The following GRIP1 variants were observed in gnomAD, a reference collection of about 807,000 sequenced individuals.
GRIP1 encodes glutamate receptor interacting protein 1.
Under a neutral mutation model 129.9 loss-of-function variants are expected in GRIP1, and 45 were observed. The observed-to-expected ratio is 0.35, with a 90% CI of 0.27 to 0.44. GRIP1 has a LOEUF of 0.44. GRIP1 is among the 20% of genes least tolerant of loss of function. The pLI, the probability that GRIP1 is intolerant of heterozygous loss-of-function variation, is 1.00. For missense variants in GRIP1, 1,196 were observed against 1,396.8 expected, an observed-to-expected ratio of 0.86 and a Z score of 2.29; for synonymous variants, 530 against 520.8, an observed-to-expected ratio of 1.02 and a Z score of -0.24.
At chr12:66,721,633 T>C (rs2036060428) in intron 1 of GRIP1, among the ~76,000 whole-genome samples, 1 of 152,220 alleles carries the variant, frequency 6.6e-6, no homozygotes, top group Non-Finnish European at 1.5e-5. Flanking sequence ...GCATTAGCCC[T>C]TAACAAGAGA....
chr12:66,444,841 G>T, intron 12 of GRIP1, 112 bp from the exon 13 acceptor site: 1 of 1,112,682 alleles, frequency 9.0e-7, no homozygotes, highest in Non-Finnish European at 1.4e-6. Context: ...ATTTGGTCTT[G>T]CTTATTCAAT....
chr12:66,789,397 T>C (rs571047235), intron 1 of GRIP1, among the ~76,000 whole-genome samples: 14 of 152,324 alleles, frequency 9.2e-5, no homozygotes, highest in African/African-American at 3.4e-4. Context: ...TTCAGTGCTT[T>C]TGTTTTCTCA....
intron 2 of GRIP1, among the ~76,000 whole-genome samples, chr12:66,582,207 C>G (rs199929379): frequency 2.7e-5 from 4 of 147,536 alleles, no homozygotes; most frequent in African/African-American, 7.5e-5. Context: ...ATTCAACAAC[C>G]CTTCATGCTA....
intron 14 of GRIP1, among the ~76,000 whole-genome samples, chr12:66,425,280 C>G (rs1277956797): frequency 6.6e-6 from 1 of 152,144 alleles, no homozygotes; most frequent in Admixed American, 6.5e-5. Flanking sequence ...GAGATACCAT[C>G]TCACACCAGT....
At chr12:66,646,400 G>C (rs1308326513) in intron 1 of GRIP1, among the ~76,000 whole-genome samples, 2 of 152,198 alleles carry the variant, frequency 1.3e-5, no homozygotes, top group Non-Finnish European at 2.9e-5. Flanking sequence ...AAGGCAGGTG[G>C]AACATTTGAG....
chr12:66,420,569 G>T, intron 15 of GRIP1, 151 bp downstream of exon 15: 1 of 660,694 alleles, frequency 1.5e-6, no homozygotes. Context: ...TGGAACTAGG[G>T]ATGTCAAATA....
intron 11 of GRIP1, among the ~76,000 whole-genome samples, chr12:66,451,872 C>T (rs1173286373): frequency 6.6e-6 from 1 of 152,130 alleles, no homozygotes; most frequent in Non-Finnish European, 1.5e-5. Context: ...TTCAGGGCTC[C>T]CTGAATGGTC....
At chr12:66,706,245 A>T (rs1201734827) in intron 1 of GRIP1, among the ~76,000 whole-genome samples, 6 of 152,232 alleles carry the variant, frequency 3.9e-5, no homozygotes, top group Non-Finnish European at 7.3e-5. Context: ...GGCAAAGGAT[A>T]TGAACAGACA....
chr12:66,544,498 C>T (rs2061885683), intron 2 of GRIP1, among the ~76,000 whole-genome samples: 1 of 152,096 alleles, frequency 6.6e-6, no homozygotes, highest in African/African-American at 2.4e-5. Context: ...AGAGCGAAGG[C>T]CTGAGATTCC....
At chr12:66,949,760 C>CTTTTTT (rs781123585) in intron 1 of GRIP1, among the ~76,000 whole-genome samples, 119 of 85,438 alleles carry the variant, frequency 1.4e-3, no homozygotes, top group Non-Finnish European at 1.8e-3. Context: ...CATGCTCCTC[C>CTTTTTT]TTTTTTTTTT....
At chr12:66,529,986 C>T (rs1472933942) in intron 4 of GRIP1, 72 bp from the exon 5 acceptor site, 1 of 939,278 alleles carries the variant, frequency 1.1e-6, no homozygotes, top group African/African-American at 1.6e-5. Context: ...TTCAATGTGG[C>T]ATAAAATATT....
chr12:67,059,763 C>G (rs1288626757), intron 1 of GRIP1, among the ~76,000 whole-genome samples: 1 of 152,198 alleles, frequency 6.6e-6, no homozygotes, highest in African/African-American at 2.4e-5. Context: ...GAACCATTAT[C>G]TCCAACCCCA....
At chr12:66,675,423 T>C (rs1190143705) in intron 1 of GRIP1, among the ~76,000 whole-genome samples, 1 of 152,138 alleles carries the variant, frequency 6.6e-6, no homozygotes, top group Admixed American at 6.6e-5. Context: ...AGTGATTCTC[T>C]GCATATGAGG....
chr12:66,800,951 T>A (rs192941402), intron 1 of GRIP1, among the ~76,000 whole-genome samples: 3 of 152,120 alleles, frequency 2.0e-5, no homozygotes, highest in African/African-American at 7.2e-5. Flanking sequence ...TAATATTCAG[T>A]GATAGATTAT....
chr12:66,560,497 A>G (rs920780217), intron 2 of GRIP1, among the ~76,000 whole-genome samples: 1 of 152,126 alleles, frequency 6.6e-6, no homozygotes, highest in Non-Finnish European at 1.5e-5. Context: ...TAATAATCCA[A>G]TTGAAAAATG....
intron 1 of GRIP1, among the ~76,000 whole-genome samples, chr12:66,815,856 C>CTTTCTTTCTTTCTTTCTCTG (rs11458006): frequency 4.1e-4 from 55 of 134,196 alleles, no homozygotes; most frequent in Non-Finnish European, 7.1e-4. Flanking sequence ...TTCTTTCTTT[C>CTTTCTTTCTTTCTTTCTCTG]TCTCTCTCTC....
At chr12:66,752,724 T>A (rs1165624359) in intron 1 of GRIP1, among the ~76,000 whole-genome samples, 1 of 152,152 alleles carries the variant, frequency 6.6e-6, no homozygotes, top group East Asian at 1.9e-4. Flanking sequence ...TAGTAAATTA[T>A]CACCTGGTTA....
At chr12:66,656,382 T>C (rs2033159071) in intron 1 of GRIP1, among the ~76,000 whole-genome samples, 1 of 152,016 alleles carries the variant, frequency 6.6e-6, no homozygotes, top group South Asian at 2.1e-4. Flanking sequence ...TATTGCAAAA[T>C]CTAAATATCT....
intron 1 of GRIP1, among the ~76,000 whole-genome samples, chr12:66,992,247 A>G (rs567650532): frequency 1.3e-5 from 2 of 152,356 alleles, no homozygotes; most frequent in South Asian, 4.1e-4. Flanking sequence ...TTCTTAGAGA[A>G]GCAGTAATTG....
Sources: gnomAD v4.1 joint callset for allele counts (sites outside exome capture counted in the v4.1 genomes callset) on GRCh38, gnomAD v4.1.1 for gene constraint, MANE v1.5 for transcripts, NCBI Gene and HGNC (gene_info 2026-07-23, HGNC 2026-07-21) for gene names.